Variants in LYST observed in about 807,000 individuals in gnomAD.
LYST encodes the protein lysosomal trafficking regulator.
Under a neutral mutation model 413.6 loss-of-function variants are expected in LYST, and 192 were observed. The observed-to-expected ratio is 0.46, with a 90% CI of 0.41 to 0.52. The LOEUF (loss-of-function observed/expected upper bound fraction) is 0.52, where lower values mean the gene tolerates loss of function less well. Among genes scored for constraint, LYST ranks in the 20% least tolerant of loss-of-function variants. The pLI is 0.00. For missense variants in LYST, 3,815 were observed against 4,499.9 expected, an observed-to-expected ratio of 0.85 and a Z score of 4.35; for synonymous variants, 1,525 against 1,567.3, an observed-to-expected ratio of 0.97 and a Z score of 0.64.
intron 4 of LYST, among the ~76,000 whole-genome samples, chr1:235,811,899 T>G (rs1049257191): frequency 6.6e-6 from 1 of 151,454 alleles, no homozygotes; most frequent in Non-Finnish European, 1.5e-5. Flanking sequence ...AAGCAGAGAG[T>G]TAGTGAATCA....
intron 36 of LYST, 137 bp downstream of exon 36, chr1:235,730,710 C>A (rs920606048): frequency 3.0e-6 from 2 of 669,288 alleles, no homozygotes; most frequent in Non-Finnish European, 5.3e-6. Context: ...GGCCATATAA[C>A]CTTGTCCTCC....
intron 3 of LYST, chr1:235,828,853 T>C: frequency 1.4e-6 from 1 of 737,854 alleles, no homozygotes; most frequent in Non-Finnish European, 1.7e-6. Flanking sequence ...CATACAAATA[T>C]ATAAAAATTA....
At position 235,810,140 on chromosome 1, in the gene LYST, C is replaced by G; in HGVS notation, c.678G>C (p.Glu226Asp). The G allele has an allele frequency of 6.2e-7, 1 of 1,614,190 alleles. No individual in the cohort carries two copies. The change falls in exon 5 of 53, where the codon GAG becomes GAC. Residue 226 changes from glutamate (E) to aspartate (D), a missense_variant. Transcript: ENST00000389793. ...PDAMALENSREIIPRQGSNTD... is the reference protein window; with the variant it reads ...PDAMALENSRDIIPRQGSNTD... ...TGTTTGACCCCTGTCTTGGAATAAT[C>G]TCTCTGGAATTTTCCAAAGCCATAG...
At chr1:235,802,810 G>T in intron 8 of LYST, 98 bp downstream of exon 8, 1 of 1,092,210 alleles carries the variant, frequency 9.2e-7, no homozygotes, top group Non-Finnish European at 1.4e-6. Context: ...TAAACTGTAA[G>T]GCAATACAAA....
At chr1:235,846,416 A>G (rs1677876766) in intron 1 of LYST, among the ~76,000 whole-genome samples, 1 of 152,136 alleles carries the variant, frequency 6.6e-6, no homozygotes, top group Non-Finnish European at 1.5e-5. Flanking sequence ...GCCTACCCAA[A>G]TGAGAAGGAA....
intron 3 of LYST, chr1:235,828,104 C>A (rs1675541525): frequency 1.1e-6 from 1 of 923,410 alleles, no homozygotes; most frequent in African/African-American, 1.8e-5. Flanking sequence ...ATGGCTAACA[C>A]TACAGACTAG....
chr1:235,860,177 T>A (rs1027133712), intron 1 of LYST, among the ~76,000 whole-genome samples: 1 of 152,056 alleles, frequency 6.6e-6, no homozygotes. Context: ...TCCTCTTTTT[T>A]AAAAAAAGAC....
In LYST at chr1:235,775,000, T is replaced by C. The variant is rs762478467; in HGVS notation, c.5547A>G (p.Val1849=). 3 of 1,609,222 alleles carry C rather than the reference T, an allele frequency of 1.9e-6. No homozygotes were observed. Among genetic ancestry groups the C allele is most frequent in the South Asian group, 1.1e-5 (1 of 90,950 alleles). The change falls in exon 18 of 53, where the codon GTA becomes GTG. Residue 1849 remains valine (V), a synonymous_variant. Coordinates refer to ENST00000389793, the MANE Select transcript of LYST (RefSeq NM_000081.4). ...GTCCATTACAATTTTCTAATTCATGTACTCTTTGTTGGTTGTATTTAATTA... is the reference window on the plus strand; with the variant it reads ...GTCCATTACAATTTTCTAATTCATGCACTCTTTGTTGGTTGTATTTAATTA... ...LSLIKYNQQR[V]HELENCNGLS...
At chr1:235,801,486 C>T (rs950648241) in intron 8 of LYST, among the ~76,000 whole-genome samples, 13 of 151,840 alleles carry the variant, frequency 8.6e-5, no homozygotes, top group Admixed American at 7.9e-4. Flanking sequence ...AAATAGTAGG[C>T]TTGACTAGTG....
At chr1:235,713,426 G>C (rs1358846478) in intron 42 of LYST, among the ~76,000 whole-genome samples, 1 of 152,168 alleles carries the variant, frequency 6.6e-6, no homozygotes, top group Non-Finnish European at 1.5e-5. Context: ...ACATTGGGTA[G>C]GTTCTGTTCA....
intron 1 of LYST, among the ~76,000 whole-genome samples, chr1:235,835,701 G>C (rs1382467714): frequency 1.3e-5 from 2 of 152,060 alleles, no homozygotes; most frequent in Non-Finnish European, 2.9e-5. Flanking sequence ...ATCATTCTAG[G>C]TGTCCAGAAC....
intron 14 of LYST, 78 bp from the exon 15 acceptor site, chr1:235,782,165 T>C: frequency 8.1e-7 from 1 of 1,235,900 alleles, no homozygotes; most frequent in Non-Finnish European, 1.1e-6. Flanking sequence ...TATGAATATT[T>C]AACAATGGGG....
chr1:235,841,500 C>A (rs1677199102), intron 1 of LYST, among the ~76,000 whole-genome samples: 1 of 152,114 alleles, frequency 6.6e-6, no homozygotes, highest in Non-Finnish European at 1.5e-5. Context: ...GTATTTCCAT[C>A]ATGGAAATGG....
In LYST at chr1:235,755,557, A is replaced by G. The variant is rs1177218083; in HGVS notation, c.7150T>C (p.Tyr2384His). The G allele has an allele frequency of 1.2e-6, 2 of 1,613,068 alleles. No homozygotes were observed. Among genetic ancestry groups the G allele is most frequent in the Non-Finnish European group, 1.7e-6 (2 of 1,179,114 alleles). ...RGFSLLANQL[Y>H]LHRGTQELLE... ...AATTCTTGAGTTCCTCGATGAAGATACAACTGGTTGGCTAGCAAGGAAAAT... is the reference window on the plus strand; with the variant it reads ...AATTCTTGAGTTCCTCGATGAAGATGCAACTGGTTGGCTAGCAAGGAAAAT... Residue 2384 changes from tyrosine (Y) to histidine (H), a missense_variant, in exon 25 of 53, where the codon TAT becomes CAT. Tyr to His is a moderately conservative substitution (Grantham distance 83). Coordinates refer to ENST00000389793, the MANE Select transcript of LYST (RefSeq NM_000081.4).
chr1:235,856,994 G>A (rs1413120148), intron 1 of LYST, among the ~76,000 whole-genome samples: 1 of 143,384 alleles, frequency 7.0e-6, no homozygotes, highest in African/African-American at 2.6e-5. Flanking sequence ...CGCCCAGGCT[G>A]GAATGCAGTG....
chr1:235,807,169 T>C (rs1672939345), intron 5 of LYST, among the ~76,000 whole-genome samples: 1 of 152,238 alleles, frequency 6.6e-6, no homozygotes, highest in Non-Finnish European at 1.5e-5. Flanking sequence ...TTCATTAGTT[T>C]GTCCGCCTGA....
intron 36 of LYST, among the ~76,000 whole-genome samples, chr1:235,729,969 C>T (rs920761810): frequency 3.9e-5 from 6 of 151,976 alleles, no homozygotes; most frequent in African/African-American, 1.4e-4. Flanking sequence ...TTGTTTCATG[C>T]CTCTGATACT....
chr1:235,695,337 G>A (rs933073738), intron 46 of LYST, among the ~76,000 whole-genome samples: 1 of 152,208 alleles, frequency 6.6e-6, no homozygotes, highest in African/African-American at 2.4e-5. Context: ...TAAGCAGCAG[G>A]GCAAGGATGC....
chr1:235,840,704 C>T (rs1677107963), intron 1 of LYST, among the ~76,000 whole-genome samples: 1 of 152,088 alleles, frequency 6.6e-6, no homozygotes, highest in Admixed American at 6.5e-5. Context: ...ATCTTGAACA[C>T]ATAGGTCATT....
Sources: allele counts gnomAD v4.1 joint callset (sites outside exome capture counted in the v4.1 genomes callset), GRCh38; gene constraint gnomAD v4.1.1; transcripts MANE v1.5; gene names NCBI Gene and HGNC (gene_info 2026-07-23, HGNC 2026-07-21).